XPR1: variants seen among roughly 807,000 people sequenced by gnomAD.
XPR1 encodes the protein solute carrier family 53 member 1.
In XPR1, 28 loss-of-function variants were observed where a neutral mutation model predicts 87.5. The ratio of observed to expected loss-of-function variants is 0.32; its 90% CI spans 0.24 to 0.44. The LOEUF (loss-of-function observed/expected upper bound fraction) is 0.44, where lower values mean the gene tolerates loss of function less well. Among genes scored for constraint, XPR1 ranks in the 20% least tolerant of loss-of-function variants. The pLI, the probability that XPR1 is intolerant of heterozygous loss-of-function variation, is 1.00. For missense variants in XPR1, 559 were observed against 862.3 expected, an observed-to-expected ratio of 0.65 and a Z score of 4.41; for synonymous variants, 300 against 306.1, an observed-to-expected ratio of 0.98 and a Z score of 0.21.
intron 7 of XPR1, among the ~76,000 whole-genome samples, chr1:180,818,095 A>G (rs1464303927): frequency 2.6e-5 from 4 of 152,018 alleles, no homozygotes; most frequent in Admixed American, 6.6e-5. Context: ...GTGTTTCTCT[A>G]TGCATCAAGA....
At chr1:180,632,332 T>G in intron 1 of XPR1, 62 bp downstream of exon 1, 6 of 1,556,050 alleles carry the variant, frequency 3.9e-6, no homozygotes, top group Non-Finnish European at 4.4e-6. Context: ...AGTCCTGACG[T>G]CCACCGCCGC....
At chr1:180,649,605 G>A (rs1490450872) in intron 1 of XPR1, among the ~76,000 whole-genome samples, 1 of 152,166 alleles carries the variant, frequency 6.6e-6, no homozygotes, top group Non-Finnish European at 1.5e-5. Flanking sequence ...CAATATCCTA[G>A]TTTTCCTGCA....
intron 3 of XPR1, among the ~76,000 whole-genome samples, chr1:180,799,197 C>T (rs556939941): frequency 6.6e-6 from 1 of 152,306 alleles, no homozygotes; most frequent in South Asian, 2.1e-4. Context: ...CCCTTGAGAA[C>T]TAACCAACAG....
chr1:180,814,579 C>G (rs2102136046), intron 7 of XPR1, among the ~76,000 whole-genome samples: 1 of 152,216 alleles, frequency 6.6e-6, no homozygotes, highest in Admixed American at 6.5e-5. Flanking sequence ...GTTTAGGGTT[C>G]ATTCATTCAT....
At chr1:180,686,324 T>C (rs1241396343) in intron 2 of XPR1, among the ~76,000 whole-genome samples, 2 of 152,336 alleles carry the variant, frequency 1.3e-5, no homozygotes, top group East Asian at 3.9e-4. Flanking sequence ...TCCTGAGTTC[T>C]AGTTTGATTG....
At position 180,836,526 on chromosome 1, in the gene XPR1, A is replaced by T; in HGVS notation, c.1311A>T (p.Ser437=). The stretch of plus-strand genomic sequence containing the variant: ...TCTTCTTTGAAATCTTCACAGAATC[A>T]GGAATTTGCCACAAATATACATATG... ...KGLLPNNSEE[S]GICHKYTYGV... Residue 437 remains serine, a synonymous_variant, in exon 11 of 15, where the codon TCA becomes TCT. Transcript: ENST00000367590. 1 of 1,614,000 alleles carries T rather than the reference A, an allele frequency of 6.2e-7. No homozygotes were observed. The highest frequency in any genetic ancestry group is 8.5e-7 in the Non-Finnish European group (1 of 1,179,992).
At chr1:180,671,215 T>C (rs1656157655) in intron 1 of XPR1, among the ~76,000 whole-genome samples, 1 of 152,156 alleles carries the variant, frequency 6.6e-6, no homozygotes, top group African/African-American at 2.4e-5. Flanking sequence ...CCTGAGGAAA[T>C]CTTTGCAAGT....
chr1:180,847,291 C>A (rs1651717797), intron 11 of XPR1, among the ~76,000 whole-genome samples: 1 of 152,148 alleles, frequency 6.6e-6, no homozygotes, highest in South Asian at 2.1e-4. Flanking sequence ...TTAAATCTGT[C>A]ATTAAACTTT....
intron 2 of XPR1, among the ~76,000 whole-genome samples, chr1:180,756,138 TA>T (rs1317199735): frequency 2.0e-5 from 3 of 152,240 alleles, no homozygotes; most frequent in Non-Finnish European, 4.4e-5. Flanking sequence ...ACTTCTGTGA[TA>T]TTCCTGCCAA....
intron 2 of XPR1, among the ~76,000 whole-genome samples, chr1:180,685,613 T>G (rs908847999): frequency 1.7e-4 from 26 of 152,186 alleles, no homozygotes; most frequent in Non-Finnish European, 3.5e-4. Flanking sequence ...ATCCATCTGG[T>G]CCTGGACTTT....
intron 2 of XPR1, among the ~76,000 whole-genome samples, chr1:180,781,254 G>A (rs188792692): frequency 6.6e-6 from 1 of 151,856 alleles, no homozygotes; most frequent in East Asian, 1.9e-4. Flanking sequence ...AGTGTGTGGA[G>A]CACATACTGT....
At chr1:180,800,422 C>G (rs1286127664) in intron 3 of XPR1, among the ~76,000 whole-genome samples, 2 of 152,208 alleles carry the variant, frequency 1.3e-5, no homozygotes, top group African/African-American at 2.4e-5. Context: ...AAGCAGACCA[C>G]AGATGAGAGC....
chr1:180,634,894 G>C (rs1229233648), intron 1 of XPR1, among the ~76,000 whole-genome samples: 1 of 151,804 alleles, frequency 6.6e-6, no homozygotes, highest in Non-Finnish European at 1.5e-5. Context: ...GTATGTGTTA[G>C]CCATGAGACC....
chr1:180,889,014 T>C lies in XPR1; in HGVS notation c.*4948T>C, dbSNP rs1558054460. The stretch of plus-strand genomic sequence containing the variant: ...GTTGATTGGCATGGCTCATGATGCC[T>C]TTCTTGTATGAATTATCAAAACTGA... On this transcript the variant is annotated 3_prime_UTR_variant, in exon 15 of 15. Transcript: ENST00000367590. 6.6e-6 allele frequency: 1 copy of C among 152,206 alleles called. No homozygotes were observed. Among genetic ancestry groups the C allele is most frequent in the Non-Finnish European group, 1.5e-5 (1 of 68,030 alleles). 9.4% of individuals were successfully genotyped at this position (152,206 alleles called of 1,614,324 possible).
intron 2 of XPR1, among the ~76,000 whole-genome samples, chr1:180,754,977 T>C (rs375013557): frequency 7.9e-5 from 12 of 152,070 alleles, no homozygotes; most frequent in Non-Finnish European, 1.6e-4. Context: ...ATTACACACA[T>C]AGAATTGATC....
At chr1:180,638,336 A>G (rs7513368) in intron 1 of XPR1, among the ~76,000 whole-genome samples, 6,332 of 152,256 alleles carry the variant, frequency 0.042, 465 homozygotes, top group African/African-American at 0.14. Context: ...TTTTTTAAAT[A>G]GGGATTTGAC....
At chr1:180,845,764 AC>A (rs1558036432) in intron 11 of XPR1, among the ~76,000 whole-genome samples, 3 of 152,250 alleles carry the variant, frequency 2.0e-5, no homozygotes, top group Admixed American at 6.5e-5. Context: ...TCCAAAGCTG[AC>A]CTGAGCCTGC....
At chr1:180,682,976 TTTA>T (rs1369682165) in intron 2 of XPR1, among the ~76,000 whole-genome samples, 1 of 152,056 alleles carries the variant, frequency 6.6e-6, no homozygotes, top group African/African-American at 2.4e-5. Flanking sequence ...TTTATTTTAT[TTTA>T]TTATTACTAT....
chr1:180,834,747 T>C lies in XPR1; in HGVS notation c.1135-127T>C. On this transcript the variant is annotated intron_variant, in intron 9 of 14. Transcript: ENST00000367590. ...AGCCACTGTTGCCAGGTCTCTGTAT[T>C]TATGATTGGTTCTTTGGTTTCCATT... 3 of 1,079,860 alleles carry C rather than the reference T, an allele frequency of 2.8e-6. No homozygotes were observed. The South Asian group carries it at 5.4e-5, about 19-fold the overall frequency. 66.9% of individuals were successfully genotyped at this position (1,079,860 alleles called of 1,614,324 possible).
Sources: gnomAD v4.1 joint callset for allele counts (sites outside exome capture counted in the v4.1 genomes callset) on GRCh38, gnomAD v4.1.1 for gene constraint, MANE v1.5 for transcripts, NCBI Gene and HGNC (gene_info 2026-07-23, HGNC 2026-07-21) for gene names.